The following TRMT44 variants were observed in gnomAD, a reference collection of about 807,000 sequenced individuals.
TRMT44 encodes the protein tRNA methyltransferase 44 homolog, also known as probable tRNA (uracil-O(2)-)-methyltransferase.
In TRMT44, 78 loss-of-function variants were observed where a neutral mutation model predicts 77.3. That is an observed-to-expected ratio of 1.01 (90% CI 0.84 to 1.22). The LOEUF (loss-of-function observed/expected upper bound fraction) is 1.22, where lower values mean the gene tolerates loss of function less well. TRMT44 is among the 50% of genes most tolerant of loss of function. The pLI, the probability that TRMT44 is intolerant of heterozygous loss-of-function variation, is 0.00. For missense variants in TRMT44, 1,090 were observed against 964.4 expected (o/e 1.13, Z -1.73); for synonymous variants, 391 against 383.3 (o/e 1.02, Z -0.23).
chr4:8,452,150 A>G lies in TRMT44; in HGVS notation c.1023+122A>G, dbSNP rs768770769. The G allele has an allele frequency of 3.0e-4, 274 of 905,622 alleles. 1 individual carries two copies. The highest frequency in any genetic ancestry group is 1.2e-3 in the Admixed American group (55 of 47,588). The allele number at this position is 905,622 out of a possible 1,614,324, so 56.1% of individuals were successfully genotyped here. A position where few individuals can be genotyped will look rare whatever the true frequency, so the allele number is the denominator to read the frequency against. The stretch of plus-strand genomic sequence containing the variant: ...GCCGGTGCTCACAATTCTGCTGGCC[A>G]AGGTTGGTTTCTCGTGTAATGGTTT... On this transcript the variant is annotated intron_variant, in intron 4 of 10. Transcript: ENST00000389737. The surrounding 1 kb of genome is among the most constrained non-coding windows in gnomAD (Gnocchi z 5.7).
chr4:8,492,863 A>G (rs777550098), intron 2 of TRMT44, among the ~76,000 whole-genome samples: 11 of 152,166 alleles, frequency 7.2e-5, no homozygotes, highest in East Asian at 1.9e-4. Context: ...GATGGAACCA[A>G]TGTATACCTT....
Position 8,471,091 on chromosome 4 carries a change from ATC to A in TRMT44, c.1939_1940del (p.Leu647GlyfsTer65). The A allele has an allele frequency of 6.3e-7, 1 of 1,594,344 alleles. No individual in the cohort carries two copies. Among genetic ancestry groups the A allele is most frequent in the Non-Finnish European group, 8.5e-7 (1 of 1,173,088 alleles). ...AAACCCGTTTTTCCACAGAGAGCCT[ATC>A]TCTGGCAGAAGTAGCCAACGAGCTG... ...LKTWNGGESL[S>X]LAEVANELDT... On this transcript the variant is annotated frameshift_variant, in exon 10 of 11. Transcript: ENST00000389737. LOFTEE classifies it high-confidence loss of function.
chr4:8,472,134 C>T (rs898022319), intron 10 of TRMT44, among the ~76,000 whole-genome samples: 6 of 152,126 alleles, frequency 3.9e-5, no homozygotes, highest in Non-Finnish European at 8.8e-5. Context: ...GTGTCACCAC[C>T]ATGCCCTAAG....
chr4:8,450,570 C>A (rs1361277746), intron 3 of TRMT44, among the ~76,000 whole-genome samples: 1 of 152,032 alleles, frequency 6.6e-6, no homozygotes, highest in Non-Finnish European at 1.5e-5. Flanking sequence ...ATAACATGTG[C>A]TTAAACTTTC....
At chr4:8,479,052 G>T (rs1244884801), downstream of TRMT44, 1 of 152,284 alleles carries the variant, frequency 6.6e-6, no homozygotes, top group Admixed American at 6.5e-5. Flanking sequence ...CTGGAGGAGG[G>T]GCTGAGGCCG....
chr4:8,454,676 G>T, intron 5 of TRMT44, 66 bp from the exon 6 acceptor site: 1 of 1,499,392 alleles, frequency 6.7e-7, no homozygotes. Flanking sequence ...GAACTTTAAT[G>T]TGTTCTTGCT....
intron 8 of TRMT44, among the ~76,000 whole-genome samples, 177 bp from the exon 9 acceptor site, chr4:8,467,737 T>G (rs1726688917): frequency 6.6e-6 from 1 of 152,208 alleles, no homozygotes; most frequent in African/African-American, 2.4e-5. Context: ...GCTCCCAAAA[T>G]GCTAGGATGA....
rs375862185 is a variant in TRMT44 at position 8,475,936 on chromosome 4, C to G, written c.2209C>G (p.Pro737Ala). 1 of 1,614,204 alleles carries G rather than the reference C, an allele frequency of 6.2e-7. No individual in the cohort carries two copies. The highest frequency in any genetic ancestry group is 8.5e-7 in the Non-Finnish European group (1 of 1,180,048). ...CTGCGCTCTGTCCACGGACTGCTGC[C>G]CGTTTGCCCATGGGCCTGCGGAGCT... ...DGCALSTDCC[P>A]FAHGPAELRP... is the part of the protein sequence containing the mutation. Residue 737 changes from proline (P) to alanine (A), a missense_variant, in exon 11 of 11, where the codon CCG (proline) becomes GCG (alanine). Physicochemically the swap from Pro to Ala is conservative, Grantham distance 27. Transcript: ENST00000389737.
At position 8,454,765 on chromosome 4, in the gene TRMT44, C is replaced by G. The variant is rs753694873; in HGVS notation, c.1155C>G (p.Val385=). ...SEGHPGRGID[V]RRRKIWDMYG... ...AGCATCCAGGCAGAGGGATTGATGT[C>G]CGAAGAAGAAAAATCTGGGACATGT... The change falls in exon 6 of 11, where the codon GTC becomes GTG. Residue 385 remains valine (V), a synonymous_variant. Transcript: ENST00000389737. The G allele has an allele frequency of 1.2e-5, 20 of 1,614,160 alleles. No individual in the cohort carries two copies. Among genetic ancestry groups the G allele is most frequent in the Non-Finnish European group, 1.7e-5 (20 of 1,180,024 alleles).
intron 6 of TRMT44, among the ~76,000 whole-genome samples, chr4:8,460,102 C>T (rs1726055454): frequency 6.6e-6 from 1 of 152,224 alleles, no homozygotes; most frequent in Non-Finnish European, 1.5e-5. Context: ...TCAAGAGTAG[C>T]TTGCTTCTCC....
In TRMT44 at chr4:8,441,195, G is replaced by A. The variant is rs1248308624; in HGVS notation, c.373G>A (p.Gly125Arg). The change falls in exon 1 of 11, where the codon GGG becomes AGG. Residue 125 changes from glycine to arginine, a missense_variant. Coordinates refer to ENST00000389737, the MANE Select transcript of TRMT44 (RefSeq NM_152544.3). ...EAASVPLRDS[G>R]HPGHAEGREG... Reference sequence around the variant, plus strand: ...CGCCTCAGTGCCCCTGAGGGACTCCGGGCACCCCGGCCATGCTGAAGGAAG... The same window carrying A: ...CGCCTCAGTGCCCCTGAGGGACTCCAGGCACCCCGGCCATGCTGAAGGAAG... 1 of 1,534,656 alleles carries A rather than the reference G, an allele frequency of 6.5e-7. No homozygotes were observed. Among genetic ancestry groups the A allele is most frequent in the East Asian group, 2.4e-5 (1 of 40,876 alleles).
the TRMT44 span, among the ~76,000 whole-genome samples, chr4:8,512,792 C>T: frequency 6.6e-6 from 1 of 152,330 alleles, no homozygotes; most frequent in African/African-American, 2.4e-5. Context: ...GTCTGCTCAT[C>T]ACCGAGTGTC....
chr4:8,451,868 G>T lies in TRMT44; in HGVS notation c.955-92G>T, dbSNP rs143094746. On this transcript the variant is annotated intron_variant, in intron 3 of 10. Coordinates refer to ENST00000389737, the MANE Select transcript of TRMT44 (RefSeq NM_152544.3). The surrounding 1 kb of genome is among the most constrained non-coding windows in gnomAD (Gnocchi z 4.1). ...CCTATTTTAGTGTACGATTAGTCCA[G>T]TTTGATTTATGCTTTATAGGGATAC... 278 of 1,179,750 alleles carry T rather than the reference G, an allele frequency of 2.4e-4. 2 individuals carry two copies. In the African/African-American group the frequency reaches 3.7e-3, roughly 16 times the overall value. 73.1% of individuals were successfully genotyped at this position (1,179,750 alleles called of 1,614,324 possible).
At chr4:8,450,735 T>C (rs1725389282) in intron 3 of TRMT44, among the ~76,000 whole-genome samples, 1 of 151,986 alleles carries the variant, frequency 6.6e-6, no homozygotes, top group African/African-American at 2.4e-5. Context: ...CTTACTATTC[T>C]TCCTAGTTCC....
At chr4:8,468,675 G>A (rs996805443) in intron 9 of TRMT44, 1 of 529,390 alleles carries the variant, frequency 1.9e-6, no homozygotes, top group Non-Finnish European at 3.3e-6. Flanking sequence ...CTGAGTGCAA[G>A]CAAAATGCAC....
chr4:8,489,847 C>T (rs181858004), intron 2 of TRMT44, among the ~76,000 whole-genome samples: 5 of 152,236 alleles, frequency 3.3e-5, no homozygotes, highest in South Asian at 2.1e-4. Flanking sequence ...AATGGAAGGC[C>T]GTCAGACTGG....
chr4:8,462,494 C>T (rs1726223629), intron 6 of TRMT44, among the ~76,000 whole-genome samples: 1 of 152,120 alleles, frequency 6.6e-6, no homozygotes, highest in African/African-American at 2.4e-5. Context: ...ATCACGAGGT[C>T]ACGAGATCGA....
chr4:8,508,126 C>T, the TRMT44 span, among the ~76,000 whole-genome samples: 1 of 152,144 alleles, frequency 6.6e-6, no homozygotes. Flanking sequence ...AGACTGGTCT[C>T]GAACTCCTGA....
At chr4:8,459,036 T>TAAAA (rs879600636) in intron 6 of TRMT44, among the ~76,000 whole-genome samples, 3 of 131,668 alleles carry the variant, frequency 2.3e-5, no homozygotes, top group Admixed American at 7.6e-5. Context: ...CCATCTCTAC[T>TAAAA]AAAAAAAAAA....
Sources: gnomAD v4.1 joint callset for allele counts (sites outside exome capture counted in the v4.1 genomes callset) on GRCh38, gnomAD v4.1.1 for gene constraint, Gnocchi (gnomAD v3.1) non-coding constraint, MANE v1.5 for transcripts, NCBI Gene and HGNC (gene_info 2026-07-23, HGNC 2026-07-21) for gene names.